The following IQSEC3 variants were observed in gnomAD, a reference collection of about 807,000 sequenced individuals.
IQSEC3 encodes the protein IQ motif and Sec7 domain ArfGEF 3.
IQSEC3 carries 50 observed loss-of-function variants against 105.4 expected under a neutral mutation model. That is an observed-to-expected ratio of 0.47 (90% CI 0.38 to 0.60). The LOEUF (loss-of-function observed/expected upper bound fraction) is 0.60. Among genes scored for constraint, IQSEC3 ranks in the 20% least tolerant of loss-of-function variants. IQSEC3 has a pLI of 0.00. For missense variants in IQSEC3, 1,415 were observed against 1,630.0 expected (o/e 0.87, Z 2.27); for synonymous variants, 708 against 746.0 (o/e 0.95, Z 0.83).
intron 5 of IQSEC3, chr12:142,024 C>G (rs1430231136): frequency 6.6e-6 from 1 of 152,276 alleles, no homozygotes; most frequent in Non-Finnish European, 1.5e-5. Flanking sequence ...CCTGGGACAT[C>G]GGCTTCAGCC....
intron 1 of IQSEC3, among the ~76,000 whole-genome samples, chr12:78,267 G>A (rs1298839626): frequency 6.6e-6 from 1 of 151,888 alleles, no homozygotes; most frequent in Non-Finnish European, 1.5e-5. Context: ...GCCAGCCCGG[G>A]GAGCATCGGG....
chr12:170,316 C>T (rs1397731014), intron 12 of IQSEC3, among the ~76,000 whole-genome samples: 1 of 152,214 alleles, frequency 6.6e-6, no homozygotes, highest in Non-Finnish European at 1.5e-5. Flanking sequence ...TTCCTTCCTG[C>T]CTCTCTTTTG....
chr12:124,314 A>G (rs1198425969), intron 2 of IQSEC3, among the ~76,000 whole-genome samples: 2 of 148,266 alleles, frequency 1.3e-5, no homozygotes, highest in African/African-American at 5.0e-5. Context: ...ACTTGAATCC[A>G]GGAGGTGGAG....
intron 2 of IQSEC3, among the ~76,000 whole-genome samples, chr12:107,612 G>GCC (rs1864713759): frequency 6.6e-6 from 1 of 151,018 alleles, no homozygotes; most frequent in East Asian, 1.9e-4. Flanking sequence ...GGGTTTCACT[G>GCC]TGTTAGCCAG....
At chr12:97,416 A>C (rs1864273015) in intron 1 of IQSEC3, among the ~76,000 whole-genome samples, 1 of 151,896 alleles carries the variant, frequency 6.6e-6, no homozygotes, top group Admixed American at 6.6e-5. Context: ...TGTTTTTAAA[A>C]TCTCCTCAAC....
At chr12:111,684 G>GAAT (rs1436312767) in intron 2 of IQSEC3, 4 of 152,240 alleles carry the variant, frequency 2.6e-5, no homozygotes, top group African/African-American at 9.7e-5. Flanking sequence ...GTTGTCTCCT[G>GAAT]AATAACAGTT....
Position 157,628 on chromosome 12 carries a change from A to T in IQSEC3, c.2377A>T (p.Met793Leu), listed in dbSNP as rs1555094864. The change falls in exon 7 of 14, where the codon ATG becomes TTG. Residue 793 changes from methionine (M) to leucine (L), a missense_variant. Around this residue, in one of 6 missense-constraint regions of IQSEC3, gnomAD observed 213 missense variants for 306.2 expected, o/e 0.70. Transcript: ENST00000538872. ...AFAIILLNTD[M>L]YSPNIKPDRK... Reference sequence around the variant, plus strand: ...CGCCATCATCCTCCTCAACACCGACATGTACAGCCCCAACATCAAGCCTGA... The same window carrying T: ...CGCCATCATCCTCCTCAACACCGACTTGTACAGCCCCAACATCAAGCCTGA... 6.2e-7 allele frequency: 1 copy of T among 1,614,148 alleles called. No individual in the cohort carries two copies. Among genetic ancestry groups the T allele is most frequent in the African/African-American group, 1.3e-5 (1 of 75,028 alleles).
At chr12:157,369 G>T (rs555551246) in intron 6 of IQSEC3, among the ~76,000 whole-genome samples, 159 bp from the exon 7 acceptor site, 69 of 152,140 alleles carry the variant, frequency 4.5e-4, no homozygotes, top group African/African-American at 8.2e-4. Flanking sequence ...GCATTTGGGG[G>T]TGTGGGGAAA....
intron 2 of IQSEC3, among the ~76,000 whole-genome samples, chr12:107,601 G>A (rs929537343): frequency 1.2e-4 from 18 of 151,680 alleles, no homozygotes; most frequent in East Asian, 5.8e-4. Flanking sequence ...TAGTAGAGAC[G>A]GGGTTTCACT....
chr12:76,002 T>C (rs1342606263), intron 1 of IQSEC3, among the ~76,000 whole-genome samples: 3 of 152,160 alleles, frequency 2.0e-5, no homozygotes, highest in African/African-American at 2.4e-5. Flanking sequence ...GGGAGAGCCC[T>C]CTACTCCCTC....
At chr12:102,040 A>T (rs1864438171) in intron 2 of IQSEC3, among the ~76,000 whole-genome samples, 1 of 151,846 alleles carries the variant, frequency 6.6e-6, no homozygotes, top group African/African-American at 2.4e-5. Context: ...CCCTCTGAGG[A>T]GATCTGGTAT....
At chr12:150,737 T>G (rs1866474478) in intron 5 of IQSEC3, among the ~76,000 whole-genome samples, 1 of 152,058 alleles carries the variant, frequency 6.6e-6, no homozygotes. Flanking sequence ...TGGAGCAGGT[T>G]GAAGAGTGAA....
intron 1 of IQSEC3, among the ~76,000 whole-genome samples, chr12:90,727 T>C (rs1864057078): frequency 1.3e-5 from 2 of 152,250 alleles, no homozygotes; most frequent in South Asian, 2.1e-4. Flanking sequence ...GGTAGCTTCA[T>C]TTTCAGTCTT....
At chr12:148,484 GGT>G (rs2137023485) in intron 5 of IQSEC3, 1 of 152,282 alleles carries the variant, frequency 6.6e-6, no homozygotes, top group Admixed American at 6.5e-5. Flanking sequence ...TGAGTCTCAA[GGT>G]GTGAGTGGCA....
chr12:87,900 A>T (rs782023883), intron 1 of IQSEC3, among the ~76,000 whole-genome samples: 1 of 152,188 alleles, frequency 6.6e-6, no homozygotes, highest in Non-Finnish European at 1.5e-5. Flanking sequence ...TTTCATCCTT[A>T]TACAGTCCTT....
intron 1 of IQSEC3, among the ~76,000 whole-genome samples, chr12:91,737 T>C (rs1259129104): frequency 6.6e-6 from 1 of 152,028 alleles, no homozygotes; most frequent in Non-Finnish European, 1.5e-5. Context: ...GCTGAGATCG[T>C]GCCACTGCAC....
intron 3 of IQSEC3, among the ~76,000 whole-genome samples, chr12:133,101 T>C (rs1865651005): frequency 6.6e-6 from 1 of 152,114 alleles, no homozygotes; most frequent in Middle Eastern, 3.2e-3. Flanking sequence ...GTGGACTGGG[T>C]CCTCAGAGGG....
chr12:174,828 G>A lies in IQSEC3; in HGVS notation c.3344G>A (p.Ser1115Asn). ...CTGGCCCGCATGGAGCCCCTGCTGA[G>A]CCAGGCTCTCTCCTGCTACACCTCG... The part of the protein sequence containing the change: ...PCLARMEPLL[S>N]QALSCYTSSS... Residue 1115 changes from serine to asparagine, a missense_variant, in exon 14 of 14, where the codon AGC becomes AAC. Ser to Asn is a conservative substitution (Grantham distance 46). Around this residue, in one of 6 missense-constraint regions of IQSEC3, gnomAD observed 419 missense variants for 436.2 expected, o/e 0.96. Coordinates refer to ENST00000538872, the MANE Select transcript of IQSEC3 (RefSeq NM_001170738.2). 1 of 1,582,188 alleles carries A rather than the reference G, an allele frequency of 6.3e-7. No homozygotes were observed. The highest frequency in any genetic ancestry group is 1.3e-5 in the African/African-American group (1 of 74,654).
chr12:160,967 C>A (rs1164154181), intron 7 of IQSEC3, among the ~76,000 whole-genome samples: 1 of 152,156 alleles, frequency 6.6e-6, no homozygotes, highest in Non-Finnish European at 1.5e-5. Context: ...GAACTGGGGG[C>A]ATCCATACAC....
Sources: gnomAD v4.1 joint callset for allele counts (sites outside exome capture counted in the v4.1 genomes callset) on GRCh38, gnomAD v4.1.1 for gene constraint, gnomAD v4.1.1 regional missense constraint, MANE v1.5 for transcripts, NCBI Gene and HGNC (gene_info 2026-07-23, HGNC 2026-07-21) for gene names.